The following ADCY3 variants were observed in gnomAD, a reference collection of about 807,000 sequenced individuals.
ADCY3 encodes adenylate cyclase 3.
In ADCY3, 70 loss-of-function variants were observed where a neutral mutation model predicts 119.4. That is an observed-to-expected ratio of 0.59 (90% CI 0.48 to 0.72). The LOEUF (loss-of-function observed/expected upper bound fraction) is 0.72. Ranked by LOEUF, ADCY3 falls within the 30% of genes least tolerant of loss-of-function variation. The pLI, the probability that ADCY3 is intolerant of heterozygous loss-of-function variation, is 0.00. For missense variants in ADCY3, 1,238 were observed against 1,541.6 expected (o/e 0.80, Z 3.30); for synonymous variants, 672 against 621.4 (o/e 1.08, Z -1.21).
Position 24,820,837 on chromosome 2 carries a change from CT to C in ADCY3, c.3138del (p.Gly1047AlafsTer24). The C allele has an allele frequency of 6.2e-7, 1 of 1,614,052 alleles. No individual in the cohort carries two copies. The highest frequency in any genetic ancestry group is 8.5e-7 in the Non-Finnish European group (1 of 1,179,970). ...CCGATGACCCCAGCCAGAACCCCGCCTTTGTTCATGCCTAGGGTAGAGGCAT... is the reference window on the plus strand; with the variant it reads ...CCGATGACCCCAGCCAGAACCCCGCCTTGTTCATGCCTAGGGTAGAGGCAT... The part of the protein sequence containing the change: ...NNFMLRIGMN[K>X]GGVLAGVIGA... On this transcript the variant is annotated frameshift_variant, in exon 21 of 22. Coordinates refer to ENST00000679454, the MANE Select transcript of ADCY3 (RefSeq NM_004036.5). LOFTEE classifies it high-confidence loss of function.
At chr2:24,875,998 G>A (rs960761653) in intron 2 of ADCY3, among the ~76,000 whole-genome samples, 2 of 147,906 alleles carry the variant, frequency 1.4e-5, no homozygotes, top group Admixed American at 1.3e-4. Context: ...GGAGGGGGGC[G>A]GTGGTGCAGA....
Position 24,918,506 on chromosome 2 carries a change from C to A in ADCY3, c.482G>T (p.Arg161Leu). 1 of 1,613,900 alleles carries A rather than the reference C, an allele frequency of 6.2e-7. No homozygotes were observed. The highest frequency in any genetic ancestry group is 8.5e-7 in the Non-Finnish European group (1 of 1,179,944). Residue 161 changes from arginine (R) to leucine (L), a missense_variant, in exon 2 of 22, where the codon CGT becomes CTT. Transcript: ENST00000679454. This position sits in a 1 kb window ranked among gnomAD's most constrained non-coding sequence, Gnocchi z 5.4. ...CACCGTGTCACTAGCCGCGTGGGCA[C>A]GCGCGAAGTTCAGGCCCAGGTAGGA... ...IFSYLGLNFARAHAASDTVGW... is the reference protein window; with the variant it reads ...IFSYLGLNFALAHAASDTVGW...
intron 3 of ADCY3, among the ~76,000 whole-genome samples, chr2:24,850,934 GA>G (rs1672216542): frequency 6.6e-6 from 1 of 152,240 alleles, no homozygotes; most frequent in African/African-American, 2.4e-5. Flanking sequence ...AATAAAGGCA[GA>G]AGGCTATATG....
At chr2:24,855,508 C>A (rs1379031845) in intron 3 of ADCY3, among the ~76,000 whole-genome samples, 1 of 152,132 alleles carries the variant, frequency 6.6e-6, no homozygotes, top group Non-Finnish European at 1.5e-5. Context: ...GGCCTGGGTG[C>A]CCAGATGTGG....
chr2:24,859,734 C>T (rs185887666), intron 3 of ADCY3, among the ~76,000 whole-genome samples: 1 of 152,308 alleles, frequency 6.6e-6, no homozygotes, highest in East Asian at 1.9e-4. Context: ...GGAAAAACAC[C>T]ATCCCTAGTA....
Position 24,872,690 on chromosome 2 carries a change from G to A in ADCY3, c.705C>T (p.Cys235=), listed in dbSNP as rs769605240. ...EILANVFLYL[C]AIAVGIMSYY... is the part of the protein sequence containing the mutation. ...AGGACATGATGCCCACAGCGATGGC[G>A]CACAGGTAGAGGAAGACGTTGGCCA... Residue 235 remains cysteine, a synonymous_variant, in exon 3 of 22, where the codon TGC becomes TGT. Coordinates refer to ENST00000679454, the MANE Select transcript of ADCY3 (RefSeq NM_004036.5). This position sits in a 1 kb window ranked among gnomAD's most constrained non-coding sequence, Gnocchi z 4.4. The A allele has an allele frequency of 1.5e-5, 25 of 1,614,022 alleles. No homozygotes were observed. The highest frequency in any genetic ancestry group is 8.3e-5 in the Admixed American group (5 of 60,002).
At chr2:24,849,074 T>C (rs1237780510) in intron 3 of ADCY3, among the ~76,000 whole-genome samples, 1 of 151,640 alleles carries the variant, frequency 6.6e-6, no homozygotes, top group East Asian at 1.9e-4. Context: ...GAACGTGAGG[T>C]TTAAGAACGT....
At chr2:24,914,286 C>A (rs757554561) in intron 2 of ADCY3, among the ~76,000 whole-genome samples, 5 of 152,174 alleles carry the variant, frequency 3.3e-5, no homozygotes, top group Non-Finnish European at 5.9e-5. Context: ...ACAAATGAGC[C>A]CTGGGCTGGG....
At chr2:24,916,384 GACCTTAGA>G (rs1199723792) in intron 2 of ADCY3, among the ~76,000 whole-genome samples, 1 of 152,166 alleles carries the variant, frequency 6.6e-6, no homozygotes, top group African/African-American at 2.4e-5. Context: ...TCAGACCTCA[GACCTTAGA>G]ACCTGGGATG....
At chr2:24,901,175 G>A (rs936672380) in intron 2 of ADCY3, among the ~76,000 whole-genome samples, 19 of 152,316 alleles carry the variant, frequency 1.2e-4, no homozygotes, top group African/African-American at 2.2e-4. Context: ...CCCCAGAGCC[G>A]AGACACTGGA....
Position 24,822,541 on chromosome 2 carries a change from G to A in ADCY3, c.2973C>T (p.Val991=), listed in dbSNP as rs770835810. Reference sequence around the variant, plus strand: ...TGGAGCTGGCAAAGCCATTGGTGTTGACATCGGGGGTGACTCCTGAAGCCG... The same window carrying A: ...TGGAGCTGGCAAAGCCATTGGTGTTAACATCGGGGGTGACTCCTGAAGCCG... The part of the protein sequence containing the change: ...YMAASGVTPD[V]NTNGFASSNK... Residue 991 remains valine (V), a synonymous_variant, in exon 19 of 22, where the codon GTC becomes GTT. Coordinates refer to ENST00000679454, the MANE Select transcript of ADCY3 (RefSeq NM_004036.5). 1.2e-6 allele frequency: 2 copies of A among 1,614,066 alleles called. No homozygotes were observed. Among genetic ancestry groups the A allele is most frequent in the Non-Finnish European group, 1.7e-6 (2 of 1,179,980 alleles).
At chr2:24,880,479 C>T (rs973710117) in intron 2 of ADCY3, among the ~76,000 whole-genome samples, 2 of 152,252 alleles carry the variant, frequency 1.3e-5, no homozygotes, top group East Asian at 1.9e-4. Context: ...AAGGCTCCAA[C>T]CAAAACAGCC....
intron 2 of ADCY3, among the ~76,000 whole-genome samples, chr2:24,917,666 C>T (rs1452206493): frequency 6.6e-6 from 1 of 152,164 alleles, no homozygotes; most frequent in East Asian, 1.9e-4. Context: ...CAGTGGCCGG[C>T]ATGACTGTCC....
At chr2:24,866,425 T>A (rs1320467539) in intron 3 of ADCY3, among the ~76,000 whole-genome samples, 1 of 151,930 alleles carries the variant, frequency 6.6e-6, no homozygotes, top group Non-Finnish European at 1.5e-5. Context: ...ACCATTTTTT[T>A]AATTAGCTGG....
chr2:24,843,463 G>A (rs111419006), intron 3 of ADCY3, among the ~76,000 whole-genome samples: 3 of 152,306 alleles, frequency 2.0e-5, no homozygotes, highest in African/African-American at 4.8e-5. Context: ...GGACTCCTGC[G>A]CTCAAATCAT....
At chr2:24,866,175 C>T (rs1674267093) in intron 3 of ADCY3, among the ~76,000 whole-genome samples, 1 of 152,180 alleles carries the variant, frequency 6.6e-6, no homozygotes. Context: ...AAGCACCAGC[C>T]TTTCAGGTAA....
At chr2:24,844,937 T>C (rs896626462) in intron 3 of ADCY3, among the ~76,000 whole-genome samples, 2 of 152,180 alleles carry the variant, frequency 1.3e-5, no homozygotes, top group African/African-American at 2.4e-5. Context: ...GTCTTTTCTG[T>C]GCTATTCTTG....
At chr2:24,858,952 G>T (rs1244908794) in intron 3 of ADCY3, among the ~76,000 whole-genome samples, 2 of 152,166 alleles carry the variant, frequency 1.3e-5, no homozygotes, top group Non-Finnish European at 2.9e-5. Context: ...GATTTGTTTT[G>T]CTAAGTCCTG....
chr2:24,856,809 A>AGCTT (rs1673051645), intron 3 of ADCY3, among the ~76,000 whole-genome samples: 1 of 152,134 alleles, frequency 6.6e-6, no homozygotes, highest in South Asian at 2.1e-4. Flanking sequence ...TACTCCAAAG[A>AGCTT]GCTTGGATGG....
Sources: gnomAD v4.1 joint callset for allele counts (sites outside exome capture counted in the v4.1 genomes callset) on GRCh38, gnomAD v4.1.1 for gene constraint, Gnocchi (gnomAD v3.1) non-coding constraint, MANE v1.5 for transcripts, NCBI Gene and HGNC (gene_info 2026-07-23, HGNC 2026-07-21) for gene names.